AP3D1: variants seen among roughly 807,000 people sequenced by gnomAD.
AP3D1 encodes AP-3 complex subunit delta-1.
In AP3D1, 51 loss-of-function variants were observed where a neutral mutation model predicts 147.6. That is an observed-to-expected ratio of 0.35 (90% CI 0.28 to 0.44). The LOEUF (loss-of-function observed/expected upper bound fraction) is 0.44. Ranked by LOEUF, AP3D1 falls within the 20% of genes least tolerant of loss-of-function variation. AP3D1 has a pLI of 1.00. For missense variants in AP3D1, 1,421 were observed against 1,624.2 expected (o/e 0.87, Z 2.15); for synonymous variants, 760 against 663.0 (o/e 1.15, Z -2.25).
intron 1 of AP3D1, among the ~76,000 whole-genome samples, chr19:2,160,463 G>A (rs894899927): frequency 3.3e-5 from 5 of 152,236 alleles, no homozygotes; most frequent in Admixed American, 6.5e-5. Flanking sequence ...GAAACCAGGA[G>A]GCGGGGGTTG....
intron 1 of AP3D1, among the ~76,000 whole-genome samples, chr19:2,162,062 G>A (rs2019708064): frequency 7.6e-6 from 1 of 131,396 alleles, no homozygotes; most frequent in African/African-American, 2.9e-5. Flanking sequence ...TTGAGACACA[G>A]TCTCACTCTG....
At chr19:2,120,775 T>C (rs1193959444) in intron 14 of AP3D1, 87 bp downstream of exon 14, 3 of 1,359,050 alleles carry the variant, frequency 2.2e-6, no homozygotes, top group African/African-American at 1.4e-5. Flanking sequence ...TGGGAGACGG[T>C]AGGAAGGATC....
At chr19:2,113,909 C>G (rs1331856256) in intron 22 of AP3D1, among the ~76,000 whole-genome samples, 1 of 152,168 alleles carries the variant, frequency 6.6e-6, no homozygotes, top group African/African-American at 2.4e-5. Flanking sequence ...CCCATGGGAT[C>G]GTTGGGTCCT....
At chr19:2,149,431 C>A (rs1372727790) in intron 1 of AP3D1, among the ~76,000 whole-genome samples, 1 of 151,798 alleles carries the variant, frequency 6.6e-6, no homozygotes, top group African/African-American at 2.4e-5. Flanking sequence ...GTAATCCCAG[C>A]TACTCAGGAG....
At chr19:2,147,798 T>TC (rs1276632659) in intron 1 of AP3D1, among the ~76,000 whole-genome samples, 1 of 145,826 alleles carries the variant, frequency 6.9e-6, no homozygotes, top group Non-Finnish European at 1.5e-5. Context: ...GGAGGTTGAG[T>TC]CACTTGAACC....
intron 21 of AP3D1, 131 bp downstream of exon 21, chr19:2,114,617 G>T: frequency 1.4e-6 from 1 of 739,840 alleles, no homozygotes; most frequent in Non-Finnish European, 2.3e-6. Flanking sequence ...CGTGGTCTGG[G>T]GAAGGCCCGC....
chr19:2,109,745 A>G (rs1488288338), intron 29 of AP3D1, 128 bp downstream of exon 29: 2 of 898,556 alleles, frequency 2.2e-6, no homozygotes, highest in Non-Finnish European at 3.5e-6. Context: ...ACCAGTCACG[A>G]GCCAGCGCCT....
intron 1 of AP3D1, among the ~76,000 whole-genome samples, chr19:2,163,871 G>C (rs1165879837): frequency 3.3e-5 from 5 of 149,812 alleles, no homozygotes; most frequent in Non-Finnish European, 4.5e-5. Flanking sequence ...GGCACGCGCC[G>C]GCGTCTTCGC....
At chr19:2,157,348 A>G (rs2019654052) in intron 1 of AP3D1, among the ~76,000 whole-genome samples, 1 of 146,064 alleles carries the variant, frequency 6.8e-6, no homozygotes, top group Non-Finnish European at 1.5e-5. Context: ...AGGCTGAGGC[A>G]GGAGAATGGC....
chr19:2,140,585 C>A (rs2144526360), intron 1 of AP3D1, among the ~76,000 whole-genome samples: 1 of 151,908 alleles, frequency 6.6e-6, no homozygotes, highest in African/African-American at 2.4e-5. Flanking sequence ...AAGTGATCCT[C>A]CCCGCTAGCC....
intron 31 of AP3D1, among the ~76,000 whole-genome samples, chr19:2,102,556 G>A (rs778244066): frequency 2.0e-4 from 30 of 151,934 alleles, no homozygotes; most frequent in African/African-American, 7.2e-4. Flanking sequence ...GTGAAACCCC[G>A]TCTCTACTAA....
At chr19:2,111,212 C>CCGGGTTCCGCG in intron 26 of AP3D1, 73 bp downstream of exon 26, 6 of 1,577,682 alleles carry the variant, frequency 3.8e-6, no homozygotes, top group Non-Finnish European at 5.2e-6. Context: ...TGGGGGCTGC[C>CCGGGTTCCGCG]CGGGTTCCGC....
chr19:2,160,486 A>G (rs2019687529), intron 1 of AP3D1, among the ~76,000 whole-genome samples: 1 of 152,004 alleles, frequency 6.6e-6, no homozygotes, highest in Non-Finnish European at 1.5e-5. Flanking sequence ...GTAAGCCAAG[A>G]TCACACCATT....
chr19:2,141,962 T>A (rs73512401), intron 1 of AP3D1, among the ~76,000 whole-genome samples: 4 of 149,762 alleles, frequency 2.7e-5, no homozygotes, highest in African/African-American at 9.7e-5. Context: ...TTGCATATAT[T>A]TATGTATATA....
At chr19:2,145,468 C>A (rs2019331613) in intron 1 of AP3D1, among the ~76,000 whole-genome samples, 1 of 152,238 alleles carries the variant, frequency 6.6e-6, no homozygotes, top group Non-Finnish European at 1.5e-5. Flanking sequence ...TCTGTGGTTG[C>A]CACGACTTGC....
chr19:2,120,827 G>A (rs752521467), intron 14 of AP3D1, 35 bp downstream of exon 14: 2 of 1,585,308 alleles, frequency 1.3e-6, no homozygotes, highest in South Asian at 2.2e-5. Flanking sequence ...GAAGCTTGGA[G>A]AAGCTGCCAG....
chr19:2,112,042 G>T, intron 24 of AP3D1: 2 of 680,276 alleles, frequency 2.9e-6, no homozygotes, highest in Non-Finnish European at 4.8e-6. Context: ...GGCGGCAAGC[G>T]CCAAAGCAGC....
intron 26 of AP3D1, 158 bp downstream of exon 26, chr19:2,111,127 C>G: frequency 9.6e-7 from 1 of 1,036,960 alleles, no homozygotes; most frequent in Non-Finnish European, 1.4e-6. Context: ...AACCTTACCC[C>G]AAGCCAGAGG....
At chr19:2,156,052 CAAAA>C (rs66864687), upstream of AP3D1, among the ~76,000 whole-genome samples, 1 of 115,074 alleles carries the variant, frequency 8.7e-6, no homozygotes. Flanking sequence ...GACTCCGTCT[CAAAA>C]AAAAAAAAAA....
Sources: gnomAD v4.1 joint callset for allele counts (sites outside exome capture counted in the v4.1 genomes callset) on GRCh38, gnomAD v4.1.1 for gene constraint, MANE v1.5 for transcripts, NCBI Gene and HGNC (gene_info 2026-07-23, HGNC 2026-07-21) for gene names.